Variants in POLR3H observed in about 807,000 individuals in gnomAD.
POLR3H encodes DNA-directed RNA polymerase III subunit RPC8.
A neutral mutation model predicts 25.5 loss-of-function variants in POLR3H; 17 were observed. That is an observed-to-expected ratio of 0.67 (90% confidence interval 0.46 to 1.00). The LOEUF (loss-of-function observed/expected upper bound fraction) is 1.00. Ranked by LOEUF, POLR3H falls within the 50% of genes least tolerant of loss-of-function variation. POLR3H has a pLI of 0.00. For missense variants in POLR3H, 274 were observed against 265.0 expected (o/e 1.03, Z -0.24); for synonymous variants, 129 against 103.0 (o/e 1.25, Z -1.53).
chr22:41,532,459 T>A, intron 3 of POLR3H, 200 bp downstream of exon 3: 4 of 951,618 alleles, frequency 4.2e-6, no homozygotes, highest in Non-Finnish European at 6.2e-6. Context: ...AAGTCCTGAG[T>A]GACGGCCTCA....
Position 41,527,831 on chromosome 22 carries a change from G to T in POLR3H, c.*1452C>A. ...ATTAGGGGCATCTCCCAGAGCCCCAGATGGGTTCAGAAAATGAAGCTCTCC... is the reference window on the plus strand; with the variant it reads ...ATTAGGGGCATCTCCCAGAGCCCCATATGGGTTCAGAAAATGAAGCTCTCC... On this transcript the variant is annotated 3_prime_UTR_variant, in exon 6 of 6. Transcript: ENST00000355209. The T allele has an allele frequency of 6.2e-7, 1 of 1,611,330 alleles. No individual in the cohort carries two copies. The highest frequency in any genetic ancestry group is 2.2e-5 in the East Asian group (1 of 44,876).
At chr22:41,543,036 G>A (rs997805304) in intron 1 of POLR3H, among the ~76,000 whole-genome samples, 1 of 152,046 alleles carries the variant, frequency 6.6e-6, no homozygotes, top group African/African-American at 2.4e-5. Flanking sequence ...AAAATTATGG[G>A]ACATCTACTC....
At chr22:41,543,965 C>A (rs1414580075) in intron 1 of POLR3H, 26 bp downstream of exon 1, 3 of 1,557,070 alleles carry the variant, frequency 1.9e-6, no homozygotes, top group Non-Finnish European at 2.7e-6. Context: ...ACGCCAAGGC[C>A]TGCCCGCGAG....
rs1183830092 is a variant in POLR3H at position 41,527,072 on chromosome 22, AC to A, written c.*2210del. On this transcript the variant is annotated 3_prime_UTR_variant, in exon 6 of 6. Coordinates refer to ENST00000355209, the MANE Select transcript of POLR3H (RefSeq NM_001018050.4). The stretch of plus-strand genomic sequence containing the variant: ...TCTGTCTTCTTTGCCACTGCAAACA[AC>A]CACGTGCCTCTGTCCCCTCGGGGCC... The A allele has an allele frequency of 4.6e-6, 3 of 647,000 alleles. No individual in the cohort carries two copies. The highest frequency in any genetic ancestry group is 7.8e-6 in the Non-Finnish European group (3 of 382,450). 40.1% of individuals were successfully genotyped at this position (647,000 alleles called of 1,614,324 possible).
In POLR3H at chr22:41,544,189, C is replaced by CG; in HGVS notation, c.-89dup. ...GGAGAATCCCCGAGCCCCTTGGTCC[C>CG]GTCCCAGTCGCTGAGGCCCCCAGGC... On this transcript the variant is annotated 5_prime_UTR_variant, in exon 1 of 6. The change creates a premature stop within an existing upstream ORF in the 5' untranslated region. Coordinates refer to ENST00000355209, the MANE Select transcript of POLR3H (RefSeq NM_001018050.4). 1.3e-6 allele frequency: 1 copy of CG among 787,866 alleles called. No homozygotes were observed. The highest frequency in any genetic ancestry group is 2.1e-6 in the Non-Finnish European group (1 of 486,986). 48.8% of individuals were successfully genotyped at this position (787,866 alleles called of 1,614,324 possible).
rs2066630740 is a variant in POLR3H, at chr22:41,527,643, G to A, written c.*1640C>T. On this transcript the variant is annotated 3_prime_UTR_variant, in exon 6 of 6. Coordinates refer to ENST00000355209, the MANE Select transcript of POLR3H (RefSeq NM_001018050.4). ...TCCAGGCTTGTAGATCTGAGCCGCT[G>A]AGATCTAGGACATGTGCCAGGGGGT... 2 of 792,648 alleles carry A rather than the reference G, an allele frequency of 2.5e-6. No individual in the cohort carries two copies. Among genetic ancestry groups the A allele is most frequent in the Non-Finnish European group, 3.9e-6 (2 of 512,424 alleles). The allele number at this position is 792,648 out of a possible 1,614,324, so 49.1% of individuals were successfully genotyped here. A position where few individuals can be genotyped will look rare whatever the true frequency, so the allele number is the denominator to read the frequency against.
At position 41,527,759 on chromosome 22, in the gene POLR3H, G is replaced by A. The variant is rs1333010636; in HGVS notation, c.*1524C>T. On this transcript the variant is annotated 3_prime_UTR_variant, in exon 6 of 6. Transcript: ENST00000355209. ...GGGGCACCCCTAGTGAAAGGGAGCA[G>A]ACCAGGGCCCCATAGTCACTGCCCG... The A allele has an allele frequency of 7.1e-7, 1 of 1,401,036 alleles. No individual in the cohort carries two copies. The allele number at this position is 1,401,036 out of a possible 1,614,324, so 86.8% of individuals were successfully genotyped here.
chr22:41,527,118 G>C lies in POLR3H; in HGVS notation c.*2165C>G, dbSNP rs1051956670. 1.0e-6 allele frequency: 1 copy of C among 955,312 alleles called. No individual in the cohort carries two copies. 59.2% of individuals were successfully genotyped at this position (955,312 alleles called of 1,614,324 possible). ...GGGGCCTCGTTTGGGTCTCATTCAC[G>C]CAGGCTTCACTTGCCCTTAGGCAGC... On this transcript the variant is annotated 3_prime_UTR_variant, in exon 6 of 6. Transcript: ENST00000355209.
chr22:41,541,555 G>A (rs1346309648), intron 1 of POLR3H, among the ~76,000 whole-genome samples: 1 of 148,674 alleles, frequency 6.7e-6, no homozygotes, highest in Non-Finnish European at 1.5e-5. Context: ...AGAGAACTCA[G>A]AGTCGTGGCC....
chr22:41,540,719 TC>T lies in POLR3H; in HGVS notation c.187del (p.Asp63MetfsTer19). ...KLEDAYVFPG[D>X]GASHTKVHFR... The stretch of plus-strand genomic sequence containing the variant: ...CCCACCTTTGGTGTGTGATGCGCCA[TC>T]CCCAGGGAATACATAGGCATCCTCC... On this transcript the variant is annotated frameshift_variant, in exon 2 of 6. Coordinates refer to ENST00000355209, the MANE Select transcript of POLR3H (RefSeq NM_001018050.4). LOFTEE classifies it high-confidence loss of function. 1 of 1,613,732 alleles carries T rather than the reference TC, an allele frequency of 6.2e-7. No individual in the cohort carries two copies. Among genetic ancestry groups the T allele is most frequent in the Non-Finnish European group, 8.5e-7 (1 of 1,179,762 alleles).
Position 41,526,721 on chromosome 22 carries a change from AAGGGGGCC to A in POLR3H, c.*2554_*2561del, listed in dbSNP as rs2066605575. The stretch of plus-strand genomic sequence containing the variant: ...TATCTGGCCCTAGACAAAGACAAGG[AAGGGGGCC>A]GACTCAGGAAGTCAGAGGCCAAAAG... On this transcript the variant is annotated 3_prime_UTR_variant, in exon 6 of 6. Coordinates refer to ENST00000355209, the MANE Select transcript of POLR3H (RefSeq NM_001018050.4). The A allele has an allele frequency of 2.4e-6, 1 of 418,238 alleles. No individual in the cohort carries two copies. Among genetic ancestry groups the A allele is most frequent in the Non-Finnish European group, 4.3e-6 (1 of 232,088 alleles). The allele number at this position is 418,238 out of a possible 1,614,324, so 25.9% of individuals were successfully genotyped here.
intron 1 of POLR3H, chr22:41,543,754 G>C (rs767239005): frequency 4.5e-6 from 3 of 668,628 alleles, no homozygotes; most frequent in South Asian, 1.5e-5. Context: ...TAACTTGCCT[G>C]CAATTGCAAA....
chr22:41,526,213 C>A lies in POLR3H; in HGVS notation c.*3070G>T. 1 of 1,543,398 alleles carries A rather than the reference C, an allele frequency of 6.5e-7. No homozygotes were observed. The highest frequency in any genetic ancestry group is 8.8e-7 in the Non-Finnish European group (1 of 1,133,042). On this transcript the variant is annotated 3_prime_UTR_variant, in exon 6 of 6. Coordinates refer to ENST00000355209, the MANE Select transcript of POLR3H (RefSeq NM_001018050.4). ...TGCCTCTGGAGGGCTTGTCATCCACCCCTCCAGGGCCATGCCCTGACCTCT... is the reference window on the plus strand; with the variant it reads ...TGCCTCTGGAGGGCTTGTCATCCACACCTCCAGGGCCATGCCCTGACCTCT...
chr22:41,538,464 T>C (rs1265950301), intron 2 of POLR3H, among the ~76,000 whole-genome samples: 1 of 152,192 alleles, frequency 6.6e-6, no homozygotes, highest in Admixed American at 6.5e-5. Flanking sequence ...TTTGCCATGT[T>C]GGCCAGGCTG....
chr22:41,536,810 G>A (rs1323440687), intron 2 of POLR3H, among the ~76,000 whole-genome samples: 1 of 144,232 alleles, frequency 6.9e-6, no homozygotes, highest in Non-Finnish European at 1.5e-5. Flanking sequence ...AGAGGTTGCA[G>A]TGAGCCAAGA....
chr22:41,539,648 T>C (rs1258551465), intron 2 of POLR3H: 1 of 152,272 alleles, frequency 6.6e-6, no homozygotes, highest in African/African-American at 2.4e-5. Context: ...CCCCTCACCC[T>C]AGCCAACGGG....
intron 5 of POLR3H, chr22:41,529,759 TGTTG>T (rs2066686023): frequency 6.8e-6 from 3 of 443,208 alleles, no homozygotes; most frequent in African/African-American, 4.1e-5. Flanking sequence ...ACCTTTTTTT[TGTTG>T]TTTTTTTTTT....
chr22:41,532,022 TA>T, intron 4 of POLR3H, 71 bp downstream of exon 4: 1 of 1,399,868 alleles, frequency 7.1e-7, no homozygotes, highest in Non-Finnish European at 1.0e-6. Context: ...AAGGCCACCC[TA>T]AGGAGTGGGG....
intron 1 of POLR3H, among the ~76,000 whole-genome samples, chr22:41,542,338 C>G (rs1200465719): frequency 4.6e-5 from 7 of 152,128 alleles, no homozygotes; most frequent in Admixed American, 3.3e-4. Flanking sequence ...CCCGCCTCAG[C>G]CTCCCAAAGT....
Sources: allele counts gnomAD v4.1 joint callset (sites outside exome capture counted in the v4.1 genomes callset), GRCh38; gene constraint gnomAD v4.1.1; transcripts MANE v1.5; gene names NCBI Gene and HGNC (gene_info 2026-07-23, HGNC 2026-07-21).